Variants in SPRED2 observed in about 807,000 individuals in gnomAD.
The protein encoded by SPRED2 is sprouty-related, EVH1 domain-containing protein 2.
Under a neutral mutation model 43.0 loss-of-function variants are expected in SPRED2, and 47 were observed. The observed-to-expected ratio is 1.09, with a 90% CI of 0.87 to 1.40. The LOEUF (loss-of-function observed/expected upper bound fraction) is 1.40, where lower values mean the gene tolerates loss of function less well. Among genes scored for constraint, SPRED2 ranks in the 40% most tolerant of loss-of-function variants. The pLI is 0.00. For missense variants in SPRED2, 561 were observed against 586.4 expected (o/e 0.96, Z 0.45); for synonymous variants, 225 against 225.7 (o/e 1.00, Z 0.03).
chr2:65,341,285 A>T (rs1161152667), intron 2 of SPRED2, among the ~76,000 whole-genome samples: 1 of 151,848 alleles, frequency 6.6e-6, no homozygotes, highest in Non-Finnish European at 1.5e-5. Flanking sequence ...CTTAGGTACT[A>T]GTGAATATAA....
At chr2:65,370,921 T>A (rs1233856631) in intron 1 of SPRED2, among the ~76,000 whole-genome samples, 1 of 152,062 alleles carries the variant, frequency 6.6e-6, no homozygotes, top group African/African-American at 2.4e-5. Context: ...ACCACACATG[T>A]CCCCAGAGGT....
intron 3 of SPRED2, chr2:65,334,093 A>G: frequency 2.3e-6 from 1 of 426,326 alleles, no homozygotes; most frequent in Non-Finnish European, 4.8e-6. Flanking sequence ...CAGATGTAAC[A>G]CAATGCCTAC....
chr2:65,391,254 AC>A (rs1338084451), intron 1 of SPRED2, among the ~76,000 whole-genome samples: 2 of 150,670 alleles, frequency 1.3e-5, no homozygotes, highest in East Asian at 3.9e-4. Context: ...CCAGAGTAGG[AC>A]TTCCAGTGCT....
chr2:65,314,229 A>C, intron 5 of SPRED2, 60 bp from the exon 6 acceptor site: 3 of 1,472,350 alleles, frequency 2.0e-6, no homozygotes, highest in South Asian at 1.4e-5. Context: ...AACAAACAAA[A>C]AAACACCCCA....
At chr2:65,327,868 G>C (rs543556194) in intron 4 of SPRED2, among the ~76,000 whole-genome samples, 15 of 151,274 alleles carry the variant, frequency 9.9e-5, no homozygotes, top group East Asian at 3.9e-4. Flanking sequence ...GGATTACAGG[G>C]GCCCGCCATC....
Position 65,314,022 on chromosome 2 carries a change from C to T in SPRED2, c.736G>A (p.Asp246Asn). ...VRGKYPDPSE[D>N]ADSSYVRFAK... ...AAGCGCACGTAGGAGGAGTCCGCGT[C>T]CTCCGAGGGGTCCGGGTACTTGCCC... The change falls in exon 6 of 6, where the codon GAC becomes AAC. Residue 246 changes from aspartate to asparagine, a missense_variant. Around this residue, in one of 6 missense-constraint regions of SPRED2, gnomAD observed 164 missense variants for 164.1 expected, o/e 1.00. Transcript: ENST00000356388. 1 of 1,614,114 alleles carries T rather than the reference C, an allele frequency of 6.2e-7. No individual in the cohort carries two copies. Among genetic ancestry groups the T allele is most frequent in the Non-Finnish European group, 8.5e-7 (1 of 1,180,038 alleles).
intron 2 of SPRED2, among the ~76,000 whole-genome samples, chr2:65,338,740 C>T (rs1223574729): frequency 5.0e-4 from 75 of 148,908 alleles, no homozygotes; most frequent in African/African-American, 1.7e-3. Flanking sequence ...AAGTGAGGAG[C>T]GTCTCTGCCT....
intron 1 of SPRED2, among the ~76,000 whole-genome samples, chr2:65,366,058 C>G (rs1572873282): frequency 7.2e-6 from 1 of 139,698 alleles, no homozygotes; most frequent in South Asian, 2.5e-4. Flanking sequence ...ACAAACAAAA[C>G]CCACCCTATT....
At chr2:65,322,294 A>ATATGTT (rs1350932295) in intron 4 of SPRED2, among the ~76,000 whole-genome samples, 12 of 64,932 alleles carry the variant, frequency 1.8e-4, no homozygotes, top group African/African-American at 8.6e-4. Context: ...ATATATATAT[A>ATATGTT]TTTTTTTTTT....
chr2:65,324,386 C>T (rs755717038), intron 4 of SPRED2, among the ~76,000 whole-genome samples: 2 of 152,194 alleles, frequency 1.3e-5, no homozygotes, highest in Non-Finnish European at 2.9e-5. Flanking sequence ...TGGGCTGAAA[C>T]TGCCTGGGCT....
intron 1 of SPRED2, among the ~76,000 whole-genome samples, chr2:65,398,414 C>G (rs1266423662): frequency 6.6e-6 from 1 of 152,000 alleles, no homozygotes; most frequent in African/African-American, 2.4e-5. Context: ...TTCTGCACAG[C>G]AAAAGAAACA....
intron 1 of SPRED2, among the ~76,000 whole-genome samples, chr2:65,365,487 G>A (rs977422609): frequency 6.6e-6 from 1 of 152,154 alleles, no homozygotes; most frequent in Non-Finnish European, 1.5e-5. Flanking sequence ...TATAAGAAAG[G>A]GGAAGAGAAA....
chr2:65,381,947 T>G (rs17030233), intron 1 of SPRED2, among the ~76,000 whole-genome samples: 7,603 of 152,298 alleles, frequency 0.05, 688 homozygotes, highest in African/African-American at 0.17. Context: ...TCTGCACTTC[T>G]GTACTTCTCA....
At chr2:65,402,820 G>C (rs1346149853) in intron 1 of SPRED2, among the ~76,000 whole-genome samples, 1 of 152,134 alleles carries the variant, frequency 6.6e-6, no homozygotes, top group Non-Finnish European at 1.5e-5. Context: ...AAATCAATAG[G>C]CATGGTACAG....
intron 5 of SPRED2, among the ~76,000 whole-genome samples, chr2:65,314,461 G>T (rs9677459): frequency 1.3e-5 from 2 of 152,042 alleles, no homozygotes; most frequent in Admixed American, 6.5e-5. Context: ...ATACAGGCAG[G>T]GGAGTGTGCA....
chr2:65,377,954 C>T (rs1393911427), intron 1 of SPRED2: 1 of 287,816 alleles, frequency 3.5e-6, no homozygotes, highest in Non-Finnish European at 7.0e-6. Context: ...TGCCTTCAGG[C>T]AGAAGCAGAG....
intron 4 of SPRED2, among the ~76,000 whole-genome samples, chr2:65,331,552 T>C (rs972414638): frequency 6.6e-6 from 1 of 152,178 alleles, no homozygotes; most frequent in Non-Finnish European, 1.5e-5. Flanking sequence ...ACTGCTGGCT[T>C]TCCCCCCTGA....
At chr2:65,369,164 A>G (rs1047794486) in intron 1 of SPRED2, among the ~76,000 whole-genome samples, 1 of 152,224 alleles carries the variant, frequency 6.6e-6, no homozygotes, top group African/African-American at 2.4e-5. Flanking sequence ...TGGACCATAA[A>G]GAAATTTACC....
intron 1 of SPRED2, among the ~76,000 whole-genome samples, chr2:65,411,479 G>A (rs564722083): frequency 1.6e-4 from 25 of 152,220 alleles, no homozygotes; most frequent in Non-Finnish European, 2.4e-4. Context: ...ATGCTGAAAC[G>A]GGCCACACAT....
Sources: allele counts gnomAD v4.1 joint callset (sites outside exome capture counted in the v4.1 genomes callset), GRCh38; gene constraint gnomAD v4.1.1; regional missense constraint gnomAD v4.1.1; transcripts MANE v1.5; gene names NCBI Gene and HGNC (gene_info 2026-07-23, HGNC 2026-07-21).